The following EPS15 variants were observed in gnomAD, a reference collection of about 807,000 sequenced individuals.
EPS15 encodes the protein epidermal growth factor receptor substrate 15.
In EPS15, 72 loss-of-function variants were observed where a neutral mutation model predicts 113.8. The ratio of observed to expected loss-of-function variants is 0.63; its 90% CI spans 0.52 to 0.77. The LOEUF (loss-of-function observed/expected upper bound fraction) is 0.77. EPS15 is among the 30% of genes least tolerant of loss of function. The probability of loss-of-function intolerance (pLI) is 0.00; values close to 1 mark genes in which losing one functional copy is unlikely to be tolerated. For missense variants in EPS15, 1,048 were observed against 1,045.8 expected (o/e 1.00, Z -0.03); for synonymous variants, 344 against 363.4 (o/e 0.95, Z 0.61).
chr1:51,512,716 T>G (rs192276853), intron 1 of EPS15, among the ~76,000 whole-genome samples: 281 of 152,100 alleles, frequency 1.8e-3, no homozygotes, highest in African/African-American at 6.7e-3. Flanking sequence ...ACTAAAACAA[T>G]GAAATTGTTT....
chr1:51,416,085 C>G (rs1650196200), intron 13 of EPS15, among the ~76,000 whole-genome samples: 1 of 151,890 alleles, frequency 6.6e-6, no homozygotes, highest in African/African-American at 2.4e-5. Context: ...AGATGTACCT[C>G]TCTCTCTCTT....
chr1:51,499,248 T>A (rs568785398), intron 1 of EPS15, among the ~76,000 whole-genome samples: 1 of 152,340 alleles, frequency 6.6e-6, no homozygotes, highest in African/African-American at 2.4e-5. Context: ...AACATAATAT[T>A]TGTCCCTTTG....
chr1:51,394,488 C>T (rs1647717950), intron 20 of EPS15, 41 bp from the exon 21 acceptor site: 2 of 1,312,172 alleles, frequency 1.5e-6, no homozygotes, highest in Non-Finnish European at 2.2e-6. Flanking sequence ...AGAGGCAACA[C>T]TTCACAGCTG....
intron 21 of EPS15, among the ~76,000 whole-genome samples, chr1:51,375,054 T>A (rs1265308462): frequency 2.2e-5 from 3 of 136,950 alleles, no homozygotes; most frequent in Non-Finnish European, 4.6e-5. Context: ...CAGGCTGGAG[T>A]GCAGTGGTGC....
At chr1:51,454,585 C>T (rs2148491452) in intron 8 of EPS15, among the ~76,000 whole-genome samples, 1 of 152,256 alleles carries the variant, frequency 6.6e-6, no homozygotes, top group South Asian at 2.1e-4. Context: ...TCAGACAAAC[C>T]TAAGTTGGGA....
intron 12 of EPS15, among the ~76,000 whole-genome samples, chr1:51,425,121 A>C (rs72696112): frequency 0.022 from 3,337 of 152,296 alleles, 32 homozygotes; most frequent in Middle Eastern, 0.034. Context: ...TACCAAAGCT[A>C]TAAAGAACAA....
At chr1:51,439,037 A>G (rs1300569071) in intron 12 of EPS15, among the ~76,000 whole-genome samples, 1 of 152,136 alleles carries the variant, frequency 6.6e-6, no homozygotes, top group Non-Finnish European at 1.5e-5. Context: ...GCCAGAAGAG[A>G]GGCACTCTTC....
intron 8 of EPS15, chr1:51,458,499 G>T (rs1228872076): frequency 2.3e-6 from 1 of 433,768 alleles, no homozygotes; most frequent in Admixed American, 2.5e-5. Flanking sequence ...CACTTTGGGA[G>T]GCCGAGGCGA....
Position 51,428,408 on chromosome 1 carries a change from G to A in EPS15, c.1041-6550C>T, listed in dbSNP as rs185004919. Among the ~76,000 whole-genome samples the A allele has an allele frequency of 1.2e-4, 18 of 152,244 alleles. 1 individual carries two copies. Among genetic ancestry groups the A allele is most frequent in the Admixed American group, 5.2e-4 (8 of 15,296 alleles). On this transcript the variant is annotated intron_variant, in intron 12 of 24. Transcript: ENST00000371733. ...TTTATACTTTCTATAGAATTTAAGA[G>A]ACAAATGCATAAAAAAGAATTTATG... is the stretch of plus-strand genomic sequence containing the variant.
intron 13 of EPS15, among the ~76,000 whole-genome samples, chr1:51,412,692 GAAT>G (rs1231351705): frequency 1.4e-4 from 21 of 152,154 alleles, no homozygotes. Flanking sequence ...CATTGGCTCT[GAAT>G]AAACCCATGC....
At chr1:51,400,379 A>C (rs920132977) in intron 19 of EPS15, among the ~76,000 whole-genome samples, 3 of 152,118 alleles carry the variant, frequency 2.0e-5, no homozygotes, top group Non-Finnish European at 4.4e-5. Flanking sequence ...CAAAGTCTAA[A>C]CACTAATGTC....
chr1:51,485,224 A>G (rs186607933), intron 1 of EPS15, among the ~76,000 whole-genome samples: 2 of 152,338 alleles, frequency 1.3e-5, no homozygotes, highest in East Asian at 3.9e-4. Flanking sequence ...ATTTTTAAGG[A>G]TAAGACTGAT....
chr1:51,369,676 C>T lies in EPS15; in HGVS notation c.2120-3647G>A, dbSNP rs554366906. ...TATTTGAGATCATGCTATGCTGATA[C>T]GGTTTTTTGTGAAGGTGTACATGAA... is the stretch of plus-strand genomic sequence containing the variant. On this transcript the variant is annotated intron_variant, in intron 21 of 24. Transcript: ENST00000371733. Among the ~76,000 whole-genome samples, 9 of 152,144 alleles carry T rather than the reference C, an allele frequency of 5.9e-5. No homozygotes were observed. The South Asian group carries it at 1.0e-3, about 18-fold the overall frequency.
intron 12 of EPS15, among the ~76,000 whole-genome samples, chr1:51,425,721 T>C (rs1194175042): frequency 1.3e-5 from 2 of 152,208 alleles, no homozygotes; most frequent in Non-Finnish European, 2.9e-5. Flanking sequence ...TCTGATCAGG[T>C]CACTTAACCT....
intron 1 of EPS15, among the ~76,000 whole-genome samples, chr1:51,503,139 G>T (rs961352316): frequency 6.6e-6 from 1 of 151,836 alleles, no homozygotes; most frequent in Admixed American, 6.6e-5. Context: ...CAAAATTAAA[G>T]AAGTTAAAAA....
At chr1:51,472,197 C>T (rs1464450522) in intron 3 of EPS15, among the ~76,000 whole-genome samples, 1 of 152,144 alleles carries the variant, frequency 6.6e-6, no homozygotes, top group African/African-American at 2.4e-5. Context: ...ACATTCAAGG[C>T]ACCAGGGAAA....
chr1:51,418,198 G>A (rs369728516), intron 13 of EPS15, among the ~76,000 whole-genome samples: 1 of 152,224 alleles, frequency 6.6e-6, no homozygotes, highest in South Asian at 2.1e-4. Context: ...GGAGAGTTGA[G>A]AGCTTGATAA....
At chr1:51,372,323 G>A (rs1646676422) in intron 21 of EPS15, 3 of 529,142 alleles carry the variant, frequency 5.7e-6, no homozygotes, top group Non-Finnish European at 1.2e-5. Context: ...TCAGTGTGGT[G>A]GATCATTTCA....
chr1:51,431,037 A>G (rs1046965524), intron 12 of EPS15, among the ~76,000 whole-genome samples: 14 of 150,026 alleles, frequency 9.3e-5, no homozygotes, highest in South Asian at 6.3e-4. Context: ...CAAAAATAAA[A>G]CTTGCCTTAA....
Sources: allele counts gnomAD v4.1 joint callset (sites outside exome capture counted in the v4.1 genomes callset), GRCh38; gene constraint gnomAD v4.1.1; transcripts MANE v1.5; gene names NCBI Gene and HGNC (gene_info 2026-07-23, HGNC 2026-07-21).